LVRN: variants seen among roughly 807,000 people sequenced by gnomAD.
LVRN encodes aminopeptidase Q.
In LVRN, 99 loss-of-function variants were observed where a neutral mutation model predicts 111.4. The ratio of observed to expected loss-of-function variants is 0.89; its 90% CI spans 0.76 to 1.05. The LOEUF is 1.05. Ranked by LOEUF, LVRN falls within the 50% of genes least tolerant of loss-of-function variation. The pLI, the probability that LVRN is intolerant of heterozygous loss-of-function variation, is 0.00. For synonymous variants in LVRN, 488 were observed against 449.5 expected, an observed-to-expected ratio of 1.09 and a Z score of -1.08; for missense variants, 1,414 against 1,206.8, an observed-to-expected ratio of 1.17 and a Z score of -2.54.
intron 1 of LVRN, among the ~76,000 whole-genome samples, chr5:115,966,906 A>T (rs1351799376): frequency 1.3e-5 from 2 of 152,114 alleles, no homozygotes; most frequent in East Asian, 1.9e-4. Flanking sequence ...ATGATGTTAA[A>T]CATTTTTTTG....
At chr5:115,998,643 C>A (rs947004759) in intron 6 of LVRN, among the ~76,000 whole-genome samples, 1 of 152,160 alleles carries the variant, frequency 6.6e-6, no homozygotes, top group Non-Finnish European at 1.5e-5. Flanking sequence ...ATGCAGATGA[C>A]TCCTCCAAAT....
In LVRN at chr5:115,962,829, A is replaced by C. The variant is rs769747198; in HGVS notation, c.212A>C (p.Lys71Thr). Residue 71 changes from lysine to threonine, a missense_variant, in exon 1 of 20, where the codon AAA becomes ACA. Transcript: ENST00000357872. ...PLRQKPTPTP[K>T]PSSARELAVT... ...AGGCAGAAGCCGACGCCAACCCCGA[A>C]ACCCAGCAGTGCACGCGAGCTAGCG... 2.5e-6 allele frequency: 4 copies of C among 1,612,574 alleles called. No homozygotes were observed. In the African/African-American group the frequency reaches 4.0e-5, roughly 16 times the overall value.
At chr5:116,000,533 G>T (rs1464901065) in intron 8 of LVRN, 35 bp downstream of exon 8, 3 of 1,612,874 alleles carry the variant, frequency 1.9e-6, no homozygotes, top group Non-Finnish European at 2.5e-6. Flanking sequence ...CTGGATGGCA[G>T]TAAACATAAA....
chr5:115,999,276 ATATCCATTTTATGG>A (rs1187032647), intron 6 of LVRN, among the ~76,000 whole-genome samples: 2 of 152,206 alleles, frequency 1.3e-5, no homozygotes, highest in East Asian at 3.8e-4. Flanking sequence ...ATAAACTGTA[ATATCCATTTTATGG>A]ATTTATTTTC....
intron 1 of LVRN, chr5:115,976,243 C>G (rs1238554568): frequency 6.6e-6 from 1 of 152,400 alleles, no homozygotes; most frequent in Non-Finnish European, 1.5e-5. Flanking sequence ...TGAGCTTCGC[C>G]AGATAGCAAT....
At chr5:116,011,271 T>C (rs886604277) in intron 14 of LVRN, among the ~76,000 whole-genome samples, 1 of 151,856 alleles carries the variant, frequency 6.6e-6, no homozygotes, top group Non-Finnish European at 1.5e-5. Flanking sequence ...GAATGAAATG[T>C]AACAACTCTG....
At chr5:115,997,089 A>G (rs560309922) in intron 6 of LVRN, among the ~76,000 whole-genome samples, 13 of 152,304 alleles carry the variant, frequency 8.5e-5, no homozygotes, top group African/African-American at 2.9e-4. Context: ...GTTAACCCTT[A>G]TTGAGCATGT....
At chr5:115,970,454 C>A (rs1023104448) in intron 1 of LVRN, among the ~76,000 whole-genome samples, 1 of 150,102 alleles carries the variant, frequency 6.7e-6, no homozygotes, top group African/African-American at 2.5e-5. Flanking sequence ...ACAATCTCAG[C>A]TCACTGCAAC....
rs1325254136 is a variant in LVRN at position 116,000,638 on chromosome 5, C to T, written c.1627C>T (p.Leu543=). The T allele has an allele frequency of 1.2e-6, 2 of 1,613,756 alleles. No homozygotes were observed. Among genetic ancestry groups the T allele is most frequent in the South Asian group, 2.2e-5 (2 of 91,076 alleles). ...FSYSNAEQDD[L]WRHFQMAIDD... is the part of the protein sequence containing the mutation. ...CTACTCAAACGCTGAGCAAGATGAT[C>T]TATGGAGGCATTTTCAAATGGTAAT... Residue 543 remains leucine, a synonymous_variant, in exon 9 of 20, where the codon CTA becomes TTA. Transcript: ENST00000357872.
At chr5:115,983,643 C>T (rs1405058502) in intron 2 of LVRN, among the ~76,000 whole-genome samples, 1 of 152,146 alleles carries the variant, frequency 6.6e-6, no homozygotes, top group Non-Finnish European at 1.5e-5. Context: ...GAGGATATTA[C>T]ACTGTTCTTA....
At chr5:115,977,701 G>A (rs1351212080) in intron 1 of LVRN, among the ~76,000 whole-genome samples, 1 of 152,148 alleles carries the variant, frequency 6.6e-6, no homozygotes, top group Non-Finnish European at 1.5e-5. Context: ...CCTGATTCTG[G>A]TACCACTGTG....
intron 3 of LVRN, among the ~76,000 whole-genome samples, chr5:115,985,260 A>T (rs1043407887): frequency 1.3e-5 from 2 of 152,158 alleles, no homozygotes; most frequent in Admixed American, 1.3e-4. Context: ...ATGCAGAAGG[A>T]GCTGAGAAAC....
intron 6 of LVRN, among the ~76,000 whole-genome samples, chr5:115,997,221 G>A (rs973468339): frequency 6.6e-6 from 1 of 152,154 alleles, no homozygotes; most frequent in African/African-American, 2.4e-5. Flanking sequence ...GAGAGATAAA[G>A]TTGGTGGTCT....
At chr5:115,991,149 C>T (rs1580385681) in intron 4 of LVRN, among the ~76,000 whole-genome samples, 1 of 152,226 alleles carries the variant, frequency 6.6e-6, no homozygotes, top group East Asian at 1.9e-4. Flanking sequence ...ATTACAGTAT[C>T]ATACAGAATA....
intron 4 of LVRN, among the ~76,000 whole-genome samples, chr5:115,989,846 G>A (rs183833231): frequency 1.3e-5 from 2 of 152,116 alleles, no homozygotes; most frequent in South Asian, 2.1e-4. Flanking sequence ...CTCTATTATT[G>A]GGTTTTTGGG....
chr5:116,017,742 A>G (rs905686549), intron 18 of LVRN, among the ~76,000 whole-genome samples: 1 of 152,190 alleles, frequency 6.6e-6, no homozygotes, highest in Non-Finnish European at 1.5e-5. Context: ...TAATTTAATA[A>G]TGTGCTATTT....
Position 116,014,478 on chromosome 5 carries a change from C to A in LVRN, c.2401C>A (p.Gln801Lys), listed in dbSNP as rs1216829753. The change falls in exon 16 of 20, where the codon CAG becomes AAG. Residue 801 changes from glutamine to lysine, a missense_variant. Gln to Lys is a moderately conservative substitution (Grantham distance 53). Transcript: ENST00000357872. ...ACWLGLEDCLQLSKELFAKWV... is the reference protein window; with the variant it reads ...ACWLGLEDCLKLSKELFAKWV... ...TTGGTTGGGCCTTGAAGACTGCCTT[C>A]AGCTGTCAAAAGAACTTTTCGCAAA... 1 of 1,613,604 alleles carries A rather than the reference C, an allele frequency of 6.2e-7. No individual in the cohort carries two copies. The highest frequency in any genetic ancestry group is 1.1e-5 in the South Asian group (1 of 91,036).
At chr5:116,025,584 G>A (rs889892218) in intron 19 of LVRN, among the ~76,000 whole-genome samples, 2 of 152,106 alleles carry the variant, frequency 1.3e-5, no homozygotes, top group Non-Finnish European at 2.9e-5. Flanking sequence ...CAAATATTAT[G>A]TACCAATTTT....
Position 116,003,381 on chromosome 5 carries a change from G to T in LVRN, c.2037+1G>T. ...TCAACAACTTGAAAAGGATCCTAAG[G>T]TAAGGTTACTTTTGATACTTTTAAT... On this transcript the variant is annotated splice_donor_variant, in intron 12 of 19. Coordinates refer to ENST00000357872, the MANE Select transcript of LVRN (RefSeq NM_173800.5). LOFTEE classifies it high-confidence loss of function. 1 of 1,426,048 alleles carries T rather than the reference G, an allele frequency of 7.0e-7. No individual in the cohort carries two copies. Among genetic ancestry groups the T allele is most frequent in the Non-Finnish European group, 9.5e-7 (1 of 1,053,476 alleles). 88.3% of individuals were successfully genotyped at this position (1,426,048 alleles called of 1,614,324 possible).
Sources: gnomAD v4.1 joint callset for allele counts (sites outside exome capture counted in the v4.1 genomes callset) on GRCh38, gnomAD v4.1.1 for gene constraint, MANE v1.5 for transcripts, NCBI Gene and HGNC (gene_info 2026-07-23, HGNC 2026-07-21) for gene names.